The following BACE2 variants were observed in gnomAD, a reference collection of about 807,000 sequenced individuals.
BACE2 encodes the protein beta-secretase 2.
Under a neutral mutation model 46.2 loss-of-function variants are expected in BACE2, and 17 were observed. The observed-to-expected ratio is 0.37, with a 90% confidence interval of 0.25 to 0.55. The LOEUF is 0.55. Among genes scored for constraint, BACE2 ranks in the 20% least tolerant of loss-of-function variants. The pLI is 0.82. For missense variants in BACE2, 595 were observed against 698.1 expected (o/e 0.85, Z 1.66); for synonymous variants, 277 against 295.9 (o/e 0.94, Z 0.66).
At chr21:41,251,197 G>A (rs941065690) in intron 7 of BACE2, among the ~76,000 whole-genome samples, 43 of 152,334 alleles carry the variant, frequency 2.8e-4, no homozygotes, top group African/African-American at 1.0e-3. Context: ...TGGAGGAACA[G>A]AGCCATGCGT....
Position 41,207,437 on chromosome 21 carries a change from GA to G in BACE2, c.313-18827del, listed in dbSNP as rs1158640940. Among the ~76,000 whole-genome samples, 4 of 152,274 alleles carry G rather than the reference GA, an allele frequency of 2.6e-5. No individual in the cohort carries two copies. The East Asian group carries it at 7.7e-4, about 29-fold the overall frequency. ...GATCATTGTTTTCACTGGCATCAGT[GA>G]ATGCGCTCACACATGACTGTTTAAA... On this transcript the variant is annotated intron_variant, in intron 1 of 8. Transcript: ENST00000330333.
intron 3 of BACE2, among the ~76,000 whole-genome samples, chr21:41,241,276 C>A (rs540824057): frequency 6.6e-6 from 1 of 152,276 alleles, no homozygotes; most frequent in African/African-American, 2.4e-5. Context: ...TAGATTTGTG[C>A]CTTTCCTGCT....
Position 41,193,706 on chromosome 21 carries a change from C to T in BACE2, c.312+25131C>T, listed in dbSNP as rs781666559. Among the ~76,000 whole-genome samples, 1 of 152,204 alleles carries T rather than the reference C, an allele frequency of 6.6e-6. No individual in the cohort carries two copies. The highest frequency in any genetic ancestry group is 6.5e-5 in the Admixed American group (1 of 15,292). On this transcript the variant is annotated intron_variant, in intron 1 of 8. Coordinates refer to ENST00000330333, the MANE Select transcript of BACE2 (RefSeq NM_012105.5). This position sits in a 1 kb window ranked among gnomAD's most constrained non-coding sequence, Gnocchi z 4.2. ...TATCTATGCCAATTATGCATTCTGG[C>T]ACTGGGAAAATGACCACAGGATGAG...
chr21:41,264,390 C>T (rs1437932368), intron 8 of BACE2, among the ~76,000 whole-genome samples: 1 of 152,014 alleles, frequency 6.6e-6, no homozygotes, highest in Non-Finnish European at 1.5e-5. Flanking sequence ...CAAGACCAGC[C>T]TGGGCAACTG....
At chr21:41,168,680 T>C in intron 1 of BACE2, 105 bp downstream of exon 1, 1 of 708,906 alleles carries the variant, frequency 1.4e-6, no homozygotes, top group African/African-American at 1.9e-5. Flanking sequence ...AAGCAGCAGC[T>C]GTCCCCGCAC....
At chr21:41,170,438 A>G (rs1456793690) in intron 1 of BACE2, among the ~76,000 whole-genome samples, 2 of 152,160 alleles carry the variant, frequency 1.3e-5, no homozygotes, top group Admixed American at 6.5e-5. Flanking sequence ...TAATTTTTAC[A>G]TGTGATGGGG....
chr21:41,279,318 A>G lies in BACE2; in HGVS notation c.*3694A>G, dbSNP rs970687186. On this transcript the variant is annotated 3_prime_UTR_variant, in exon 9 of 9. Coordinates refer to ENST00000330333, the MANE Select transcript of BACE2 (RefSeq NM_012105.5). ...TTTTTTAGAAAATGCAGTTTAGGCC[A>G]GGCACGGTAGCTCGTGCCTGTAATC... 6.6e-6 allele frequency: 1 copy of G among 152,262 alleles called. No homozygotes were observed. Among genetic ancestry groups the G allele is most frequent in the African/African-American group, 2.4e-5 (1 of 41,470 alleles). The allele number at this position is 152,262 out of a possible 1,614,324, so 9.4% of individuals were successfully genotyped here.
intron 7 of BACE2, among the ~76,000 whole-genome samples, chr21:41,256,768 T>G (rs908751160): frequency 1.3e-5 from 2 of 152,204 alleles, no homozygotes; most frequent in African/African-American, 4.8e-5. Flanking sequence ...CCTAACCACC[T>G]TGGGCACATG....
At chr21:41,240,020 G>A (rs750363008) in intron 3 of BACE2, among the ~76,000 whole-genome samples, 3 of 152,198 alleles carry the variant, frequency 2.0e-5, no homozygotes, top group Non-Finnish European at 2.9e-5. Flanking sequence ...CTGACTCTCC[G>A]TGCGACATTT....
At chr21:41,190,735 A>G (rs554777556) in intron 1 of BACE2, among the ~76,000 whole-genome samples, 1 of 152,308 alleles carries the variant, frequency 6.6e-6, no homozygotes, top group African/African-American at 2.4e-5. Flanking sequence ...ATCACAGGGC[A>G]TGGTAATACT....
chr21:41,261,886 C>T (rs1171801931), intron 8 of BACE2, among the ~76,000 whole-genome samples: 1 of 151,964 alleles, frequency 6.6e-6, no homozygotes, highest in African/African-American at 2.4e-5. Flanking sequence ...GATTTAGTAA[C>T]TTTTAACATT....
At chr21:41,226,175 C>T (rs1986811704) in intron 1 of BACE2, 91 bp from the exon 2 acceptor site, 10 of 932,558 alleles carry the variant, frequency 1.1e-5, no homozygotes, top group Non-Finnish European at 1.7e-5. Context: ...ATTATTCTTG[C>T]TACTTAGTTT....
At chr21:41,208,860 C>T (rs769115616) in intron 1 of BACE2, among the ~76,000 whole-genome samples, 2 of 152,098 alleles carry the variant, frequency 1.3e-5, no homozygotes, top group Admixed American at 6.5e-5. Flanking sequence ...GTGGGAGTTC[C>T]GTGGAGGCAG....
intron 8 of BACE2, among the ~76,000 whole-genome samples, chr21:41,258,804 A>C (rs1474822819): frequency 1.3e-5 from 2 of 152,236 alleles, no homozygotes; most frequent in African/African-American, 4.8e-5. Context: ...ATTTGTGAGC[A>C]GACTTGGAAC....
intron 8 of BACE2, among the ~76,000 whole-genome samples, chr21:41,273,523 G>A (rs1236112996): frequency 6.6e-6 from 1 of 152,186 alleles, no homozygotes; most frequent in African/African-American, 2.4e-5. Context: ...AGAGAAATAT[G>A]GCTCTGTTCC....
intron 1 of BACE2, among the ~76,000 whole-genome samples, chr21:41,215,966 A>T (rs1162339614): frequency 2.6e-5 from 4 of 152,206 alleles, no homozygotes; most frequent in Non-Finnish European, 5.9e-5. Context: ...AATTTTGGAA[A>T]TTCCTAGAAT....
chr21:41,193,126 C>T lies in BACE2; in HGVS notation c.312+24551C>T, dbSNP rs551860707. On this transcript the variant is annotated intron_variant, in intron 1 of 8. Coordinates refer to ENST00000330333, the MANE Select transcript of BACE2 (RefSeq NM_012105.5). The surrounding 1 kb of genome is among the most constrained non-coding windows in gnomAD (Gnocchi z 4.2). ...GGACCAGTGTGATATCTCGTGGAAA[C>T]GAAAAGCGATCAAGGTCTCTCCAAA... Among the ~76,000 whole-genome samples the T allele has an allele frequency of 3.2e-4, 49 of 152,194 alleles. 2 individuals are homozygous for T. The highest frequency in any genetic ancestry group is 6.8e-3 in the Middle Eastern group (2 of 294).
At chr21:41,241,776 T>C (rs772099824) in intron 3 of BACE2, 43 bp from the exon 4 acceptor site, 3 of 1,611,494 alleles carry the variant, frequency 1.9e-6, no homozygotes, top group South Asian at 1.1e-5. Context: ...ATGTCTACAC[T>C]GTGAGTCCTA....
chr21:41,268,567 G>A (rs796814008), intron 8 of BACE2, among the ~76,000 whole-genome samples: 116 of 152,172 alleles, frequency 7.6e-4, no homozygotes, highest in African/African-American at 2.5e-3. Context: ...TTAAACTGGC[G>A]CTGTTTTTCA....
Sources: allele counts gnomAD v4.1 joint callset (sites outside exome capture counted in the v4.1 genomes callset), GRCh38; gene constraint gnomAD v4.1.1; non-coding constraint Gnocchi (gnomAD v3.1); transcripts MANE v1.5; gene names NCBI Gene and HGNC (gene_info 2026-07-23, HGNC 2026-07-21).